ADGRE2: variants seen among roughly 807,000 people sequenced by gnomAD.
ADGRE2 encodes the protein adhesion G protein-coupled receptor E2.
In ADGRE2, 83 loss-of-function variants were observed where a neutral mutation model predicts 100.8. The observed-to-expected ratio is 0.82, with a 90% confidence interval of 0.69 to 0.99. ADGRE2 has a LOEUF of 0.99. ADGRE2 is among the 50% of genes least tolerant of loss of function. The pLI is 0.00. For missense variants in ADGRE2, 814 were observed against 1,035.7 expected (o/e 0.79, Z 2.94); for synonymous variants, 355 against 413.0 (o/e 0.86, Z 1.70).
At chr19:14,727,766 A>G (rs1005832268), downstream of ADGRE2, among the ~76,000 whole-genome samples, 11 of 152,092 alleles carry the variant, frequency 7.2e-5, no homozygotes, top group Non-Finnish European at 1.0e-4. Context: ...TATCCTAATC[A>G]TTTCCTTTAA....
Position 14,751,588 on chromosome 19 carries a change from G to T in ADGRE2, c.1872C>A (p.Leu624=). 1 of 1,614,094 alleles carries T rather than the reference G, an allele frequency of 6.2e-7. No individual in the cohort carries two copies. Among genetic ancestry groups the T allele is most frequent in the Non-Finnish European group, 8.5e-7 (1 of 1,180,028 alleles). The change falls in exon 16 of 21, where the codon CTC becomes CTA. Residue 624 remains leucine (L), a synonymous_variant. Coordinates refer to ENST00000315576, the MANE Select transcript of ADGRE2 (RefSeq NM_013447.4). The part of the protein sequence containing the change: ...LTWMLLEALY[L]FLTARNLTVV... The stretch of plus-strand genomic sequence containing the variant: ...CCGTCAGGTTCCGTGCAGTGAGGAA[G>T]AGGTACAGGGCCTCCAGCAGCATCC...
At chr19:14,751,929 A>AT (rs1483926617) in intron 15 of ADGRE2, among the ~76,000 whole-genome samples, 23 of 83,742 alleles carry the variant, frequency 2.7e-4, no homozygotes, top group Middle Eastern at 5.6e-3. Flanking sequence ...ATATATATAT[A>AT]TATTTTTTTT....
At position 14,732,995 on chromosome 19, in the gene ADGRE2, C is replaced by T. The variant is rs2042689308; in HGVS notation, c.*3241G>A. ...AGACTCTATGGGGATATGGGCTCTACACTCATAGGGACCCACATGTTCCAA... is the reference window on the plus strand; with the variant it reads ...AGACTCTATGGGGATATGGGCTCTATACTCATAGGGACCCACATGTTCCAA... On this transcript the variant is annotated 3_prime_UTR_variant, in exon 21 of 21. Coordinates refer to ENST00000315576, the MANE Select transcript of ADGRE2 (RefSeq NM_013447.4). The T allele has an allele frequency of 6.6e-6, 1 of 152,212 alleles. No individual in the cohort carries two copies. 9.4% of individuals were successfully genotyped at this position (152,212 alleles called of 1,614,324 possible). A position where few individuals can be genotyped will look rare whatever the true frequency, so the allele number is the denominator to read the frequency against.
chr19:14,745,373 C>T (rs916315310), intron 18 of ADGRE2, among the ~76,000 whole-genome samples: 1 of 152,054 alleles, frequency 6.6e-6, no homozygotes, highest in African/African-American at 2.4e-5. Context: ...TTGGGGTATC[C>T]GTCACTTCGC....
chr19:14,751,360 T>C, intron 16 of ADGRE2, 76 bp downstream of exon 16: 1 of 1,124,734 alleles, frequency 8.9e-7, no homozygotes, highest in Non-Finnish European at 1.3e-6. Context: ...GCAGGTGTCA[T>C]AAAAATGCTA....
intron 16 of ADGRE2, among the ~76,000 whole-genome samples, chr19:14,748,469 C>T (rs2043159793): frequency 6.6e-6 from 1 of 152,126 alleles, no homozygotes; most frequent in East Asian, 1.9e-4. Context: ...CGACCACGCC[C>T]AGCTAACTTT....
downstream of ADGRE2, chr19:14,732,157 C>T (rs1383440742): frequency 6.6e-6 from 1 of 152,168 alleles, no homozygotes; most frequent in East Asian, 1.9e-4. Context: ...CATTTCATTG[C>T]CCTTCACAGA....
intron 14 of ADGRE2, among the ~76,000 whole-genome samples, chr19:14,754,407 G>T (rs184767769): frequency 2.0e-5 from 3 of 151,790 alleles, no homozygotes; most frequent in Admixed American, 2.0e-4. Context: ...CTAATCAGCT[G>T]CCAGCGTGGC....
intron 11 of ADGRE2, among the ~76,000 whole-genome samples, chr19:14,764,027 C>G (rs982087684): frequency 6.6e-6 from 1 of 151,248 alleles, no homozygotes; most frequent in Non-Finnish European, 1.5e-5. Flanking sequence ...TTCACCTCCT[C>G]CTCCTTCTCT....
chr19:14,741,749 T>C (rs2147124011), intron 20 of ADGRE2: 1 of 275,954 alleles, frequency 3.6e-6, no homozygotes, highest in East Asian at 6.2e-5. Flanking sequence ...CCTCCCAAAG[T>C]GCTGGGATTA....
downstream of ADGRE2, among the ~76,000 whole-genome samples, chr19:14,730,816 C>T (rs968602677): frequency 2.6e-5 from 4 of 151,738 alleles, no homozygotes; most frequent in Non-Finnish European, 4.4e-5. Context: ...TCCCTCCCTC[C>T]TCCATCTAGT....
At chr19:14,763,700 TTCTCCTCCTCCTATCTTCCTCTG>T in intron 11 of ADGRE2, among the ~76,000 whole-genome samples, 1 of 48,864 alleles carries the variant, frequency 2.0e-5, no homozygotes, top group African/African-American at 7.7e-5. Flanking sequence ...CCTCTTCTCC[TTCTCCTCCTCCTATCTTCCTCTG>T]CCTCCTCTCC....
At position 14,776,976 on chromosome 19, in the gene ADGRE2, GCACACACA is replaced by G. The variant is rs58154734; in HGVS notation, c.-171-57_-171-50del. On this transcript the variant is annotated intron_variant, in intron 1 of 20. Transcript: ENST00000315576. ...ATAAAAACACAGAACCAGGGGCGCT[GCACACACA>G]CACACACACACACACACACACACAC... The G allele has an allele frequency of 3.8e-3, 3,842 of 1,023,640 alleles. 6 individuals are homozygous for G. The highest frequency in any genetic ancestry group is 8.2e-3 in the East Asian group (179 of 21,868). The allele number at this position is 1,023,640 out of a possible 1,614,324, so 63.4% of individuals were successfully genotyped here. A position where few individuals can be genotyped will look rare whatever the true frequency, so the allele number is the denominator to read the frequency against.
At chr19:14,769,784 C>T (rs1262147405) in intron 5 of ADGRE2, among the ~76,000 whole-genome samples, 4 of 152,096 alleles carry the variant, frequency 2.6e-5, no homozygotes, top group South Asian at 2.1e-4. Flanking sequence ...CTGCAAGCTC[C>T]GCCTCCCAGG....
intron 11 of ADGRE2, among the ~76,000 whole-genome samples, chr19:14,757,270 C>G (rs987649006): frequency 6.6e-6 from 1 of 152,184 alleles, no homozygotes; most frequent in African/African-American, 2.4e-5. Flanking sequence ...GATTGGAAGA[C>G]TTTCTATTGT....
At chr19:14,755,313 C>A (rs1354520073) in intron 13 of ADGRE2, among the ~76,000 whole-genome samples, 186 bp from the exon 14 acceptor site, 1 of 150,978 alleles carries the variant, frequency 6.6e-6, no homozygotes, top group Non-Finnish European at 1.5e-5. Flanking sequence ...ATTAGCTGGG[C>A]GTGGTAGCAC....
intron 5 of ADGRE2, among the ~76,000 whole-genome samples, chr19:14,771,101 G>C (rs1442035021): frequency 6.6e-6 from 1 of 152,110 alleles, no homozygotes; most frequent in Non-Finnish European, 1.5e-5. Flanking sequence ...GCTCTATGCA[G>C]CTGCGTGCTC....
At chr19:14,743,309 G>A (rs557195074) in intron 20 of ADGRE2, 111 bp downstream of exon 20, 25 of 825,680 alleles carry the variant, frequency 3.0e-5, no homozygotes, top group Admixed American at 1.7e-4. Context: ...ACTCAGATGC[G>A]AGCCTTTCTA....
chr19:14,760,569 A>G (rs985229915), intron 11 of ADGRE2, among the ~76,000 whole-genome samples: 2 of 151,994 alleles, frequency 1.3e-5, no homozygotes, highest in African/African-American at 4.8e-5. Flanking sequence ...TCAACCCAAA[A>G]TGTGTCCACT....
Sources: gnomAD v4.1 joint callset for allele counts (sites outside exome capture counted in the v4.1 genomes callset) on GRCh38, gnomAD v4.1.1 for gene constraint, MANE v1.5 for transcripts, NCBI Gene and HGNC (gene_info 2026-07-23, HGNC 2026-07-21) for gene names.